CNTNAP2: variants seen among roughly 807,000 people sequenced by gnomAD.
The protein encoded by CNTNAP2 is contactin associated protein 2.
A neutral mutation model predicts 155.2 loss-of-function variants in CNTNAP2; 98 were observed. The observed-to-expected ratio is 0.63, with a 90% CI of 0.54 to 0.75. The LOEUF is 0.75. Among genes scored for constraint, CNTNAP2 ranks in the 30% least tolerant of loss-of-function variants. CNTNAP2 has a pLI of 0.00. For missense variants in CNTNAP2, 1,727 were observed against 1,688.1 expected, an observed-to-expected ratio of 1.02 and a Z score of -0.40; for synonymous variants, 651 against 631.2, an observed-to-expected ratio of 1.03 and a Z score of -0.47.
intron 9 of CNTNAP2, among the ~76,000 whole-genome samples, chr7:147,334,899 T>G (rs550342792): frequency 2.0e-5 from 3 of 152,324 alleles, no homozygotes; most frequent in African/African-American, 7.2e-5. Flanking sequence ...GTGGGTCTTA[T>G]TTAATAAAAG....
rs1488248731 is a variant in CNTNAP2, at chr7:147,485,946, A to G, written c.1682A>G (p.Asn561Ser). ...MCAIIDRCVP[N>S]HCEHGGKCSQ... ...TCTCTCTCTGACAGATGTGTGCCCA[A>G]TCACTGTGAGCATGGTGGAAAGTGC... Residue 561 changes from asparagine to serine, a missense_variant, in exon 11 of 24, where the codon AAT becomes AGT. Asn to Ser is a conservative substitution (Grantham distance 46). Coordinates refer to ENST00000361727, the MANE Select transcript of CNTNAP2 (RefSeq NM_014141.6). 3.1e-6 allele frequency: 5 copies of G among 1,613,974 alleles called. No individual in the cohort carries two copies. The highest frequency in any genetic ancestry group is 3.4e-6 in the Non-Finnish European group (4 of 1,179,988).
chr7:148,010,648 G>A (rs992623349), intron 15 of CNTNAP2, among the ~76,000 whole-genome samples: 2 of 135,788 alleles, frequency 1.5e-5, no homozygotes, highest in East Asian at 4.4e-4. Flanking sequence ...AGCCACCTCT[G>A]TCATACATCA....
chr7:147,690,388 C>T (rs554760358), intron 13 of CNTNAP2, among the ~76,000 whole-genome samples: 8 of 152,168 alleles, frequency 5.3e-5, no homozygotes, highest in African/African-American at 1.9e-4. Context: ...TGTAGCTTTC[C>T]TCTGAGATTT....
chr7:146,405,527 A>T (rs1027064959), intron 1 of CNTNAP2, among the ~76,000 whole-genome samples: 4 of 152,346 alleles, frequency 2.6e-5, no homozygotes, highest in African/African-American at 7.2e-5. Context: ...GGGCCATTGA[A>T]TTTAAAGATA....
chr7:146,789,594 G>C (rs1390756240), intron 2 of CNTNAP2, among the ~76,000 whole-genome samples: 1 of 138,542 alleles, frequency 7.2e-6, no homozygotes, highest in African/African-American at 2.7e-5. Flanking sequence ...ATGTGGGGTG[G>C]CAGGCAAAAA....
At chr7:147,693,827 C>T (rs532760614) in intron 13 of CNTNAP2, among the ~76,000 whole-genome samples, 11 of 151,894 alleles carry the variant, frequency 7.2e-5, no homozygotes, top group Admixed American at 2.6e-4. Flanking sequence ...ATATGTATAC[C>T]TTTTCTTTTA....
At chr7:146,759,140 T>G (rs1802042155) in intron 1 of CNTNAP2, among the ~76,000 whole-genome samples, 1 of 152,170 alleles carries the variant, frequency 6.6e-6, no homozygotes, top group South Asian at 2.1e-4. Flanking sequence ...AAATTAAACA[T>G]TATCAATACT....
intron 7 of CNTNAP2, among the ~76,000 whole-genome samples, chr7:147,131,026 G>GTATATA (rs1267865158): frequency 8.7e-6 from 1 of 114,790 alleles, no homozygotes; most frequent in African/African-American, 2.9e-5. Context: ...TCAGCATCAG[G>GTATATA]TATATATATA....
intron 15 of CNTNAP2, among the ~76,000 whole-genome samples, chr7:147,979,788 G>A (rs6944674): frequency 0.46 from 68,995 of 151,280 alleles, 16,337 homozygotes; most frequent in East Asian, 0.75. Context: ...ATGCCCGACT[G>A]ATTTTTGCAC....
intron 9 of CNTNAP2, among the ~76,000 whole-genome samples, chr7:147,369,265 C>T (rs373925154): frequency 5.8e-4 from 88 of 152,328 alleles, no homozygotes; most frequent in African/African-American, 2.1e-3. Flanking sequence ...TGGATATCTT[C>T]TCATGAAGAT....
chr7:147,875,851 G>A (rs146668653), intron 13 of CNTNAP2, among the ~76,000 whole-genome samples: 1 of 152,306 alleles, frequency 6.6e-6, no homozygotes, highest in East Asian at 1.9e-4. Context: ...TACTCTGGGT[G>A]ACCCTACCTT....
chr7:147,832,546 T>C (rs563634481), intron 13 of CNTNAP2, among the ~76,000 whole-genome samples: 1 of 141,724 alleles, frequency 7.1e-6, no homozygotes, highest in Non-Finnish European at 1.5e-5. Flanking sequence ...TATATTTCAA[T>C]ATATTATATT....
chr7:146,502,960 G>A (rs1405760474), intron 1 of CNTNAP2, among the ~76,000 whole-genome samples: 1 of 152,144 alleles, frequency 6.6e-6, no homozygotes, highest in Non-Finnish European at 1.5e-5. Flanking sequence ...AAGTGAGGTT[G>A]AGTATTATTT....
intron 1 of CNTNAP2, among the ~76,000 whole-genome samples, chr7:146,719,211 G>T (rs1018212615): frequency 6.6e-6 from 1 of 152,110 alleles, no homozygotes; most frequent in African/African-American, 2.4e-5. Flanking sequence ...CTTCGGTCTT[G>T]TTTTATTTGA....
At chr7:148,320,276 T>C (rs557946817) in intron 21 of CNTNAP2, among the ~76,000 whole-genome samples, 14 of 152,252 alleles carry the variant, frequency 9.2e-5, no homozygotes, top group African/African-American at 3.4e-4. Flanking sequence ...AATTTTTTGT[T>C]TGCCTGTTTT....
At chr7:147,905,692 G>T (rs1038076902) in intron 14 of CNTNAP2, among the ~76,000 whole-genome samples, 1 of 152,192 alleles carries the variant, frequency 6.6e-6, no homozygotes, top group African/African-American at 2.4e-5. Flanking sequence ...AGACCAGCCT[G>T]CCCAACAAGG....
intron 8 of CNTNAP2, chr7:147,146,536 A>G (rs1354984298): frequency 6.6e-6 from 1 of 152,488 alleles, no homozygotes; most frequent in East Asian, 1.9e-4. Context: ...GCTTGGATGC[A>G]AAACAGATTA....
chr7:147,366,810 CA>C (rs1410592626), intron 9 of CNTNAP2, among the ~76,000 whole-genome samples: 8 of 90,494 alleles, frequency 8.8e-5, no homozygotes, highest in African/African-American at 2.8e-4. Flanking sequence ...CACACACACA[CA>C]CCCCAATGTT....
chr7:147,088,186 T>A (rs11976920), intron 4 of CNTNAP2, among the ~76,000 whole-genome samples: 1 of 152,176 alleles, frequency 6.6e-6, no homozygotes, highest in Admixed American at 6.5e-5. Context: ...GAGGGAATGA[T>A]TTATCAAATC....
Sources: allele counts gnomAD v4.1 joint callset (sites outside exome capture counted in the v4.1 genomes callset), GRCh38; gene constraint gnomAD v4.1.1; transcripts MANE v1.5; gene names NCBI Gene and HGNC (gene_info 2026-07-23, HGNC 2026-07-21).